The following UNC5A variants were observed in gnomAD, a reference collection of about 807,000 sequenced individuals.
UNC5A encodes the protein unc-5 netrin receptor A.
A neutral mutation model predicts 87.4 loss-of-function variants in UNC5A; 20 were observed. The observed-to-expected ratio is 0.23, with a 90% CI of 0.16 to 0.33. UNC5A has a LOEUF of 0.33. UNC5A is among the 10% of genes least tolerant of loss of function. The probability of loss-of-function intolerance (pLI) is 1.00; values close to 1 mark genes in which losing one functional copy is unlikely to be tolerated. For synonymous variants in UNC5A, 438 were observed against 482.3 expected, an observed-to-expected ratio of 0.91 and a Z score of 1.20; for missense variants, 844 against 1,133.4, an observed-to-expected ratio of 0.74 and a Z score of 3.67.
chr5:176,841,459 C>T lies in UNC5A; in HGVS notation c.71-21165C>T, dbSNP rs969977605. Among the ~76,000 whole-genome samples, 2 of 152,212 alleles carry T rather than the reference C, an allele frequency of 1.3e-5. No individual in the cohort carries two copies. The highest frequency in any genetic ancestry group is 2.9e-5 in the Non-Finnish European group (2 of 68,034). On this transcript the variant is annotated intron_variant, in intron 1 of 14. Coordinates refer to ENST00000329542, the MANE Select transcript of UNC5A (RefSeq NM_133369.3). This position sits in a 1 kb window ranked among gnomAD's most constrained non-coding sequence, Gnocchi z 4.1. The stretch of plus-strand genomic sequence containing the variant: ...GTGGAACCGGGCTGCCTGGCTGTCC[C>T]ATGTGCAGCAGTGTGGCTGTGGACA...
intron 1 of UNC5A, among the ~76,000 whole-genome samples, chr5:176,846,494 G>T (rs1757406035): frequency 6.6e-6 from 1 of 152,142 alleles, no homozygotes; most frequent in Non-Finnish European, 1.5e-5. Flanking sequence ...AGACCCCTGG[G>T]CTATTGAGGC....
At chr5:176,822,367 T>C (rs1756748799) in intron 1 of UNC5A, among the ~76,000 whole-genome samples, 1 of 152,114 alleles carries the variant, frequency 6.6e-6, no homozygotes, top group Non-Finnish European at 1.5e-5. Flanking sequence ...GCCTGGAATC[T>C]GAGCAGGATC....
intron 8 of UNC5A, among the ~76,000 whole-genome samples, chr5:176,876,328 C>G (rs1208754323): frequency 2.0e-5 from 3 of 152,214 alleles, no homozygotes; most frequent in African/African-American, 7.2e-5. Flanking sequence ...CAGCCCAGCC[C>G]TGCTCTGCGC....
intron 1 of UNC5A, among the ~76,000 whole-genome samples, chr5:176,853,277 A>G (rs1757588487): frequency 1.3e-5 from 2 of 152,342 alleles, no homozygotes; most frequent in African/African-American, 4.8e-5. Context: ...TGTCTGTACA[A>G]CCAGAGGCAG....
At position 176,875,538 on chromosome 5, in the gene UNC5A, C is replaced by T. The variant is rs1581279465; in HGVS notation, c.1378+972C>T. ...CTGCCACCTCCTGCTCTTGTCCTCC[C>T]TTGCTGCCTCTCCTGACACGGGCCA... On this transcript the variant is annotated intron_variant, in intron 8 of 14. Transcript: ENST00000329542. The surrounding 1 kb of genome is among the most constrained non-coding windows in gnomAD (Gnocchi z 5.2). 6.6e-6 allele frequency among the ~76,000 whole-genome samples: 1 copy of T among 152,152 alleles called. No homozygotes were observed. The highest frequency in any genetic ancestry group is 2.4e-5 in the African/African-American group (1 of 41,418).
chr5:176,863,371 G>T (rs937466118), intron 2 of UNC5A, among the ~76,000 whole-genome samples: 33 of 152,184 alleles, frequency 2.2e-4, no homozygotes, highest in African/African-American at 7.7e-4. Flanking sequence ...GTGTGCAGGG[G>T]ACCAAACTGA....
At chr5:176,843,707 C>G (rs1350186137) in intron 1 of UNC5A, among the ~76,000 whole-genome samples, 1 of 152,254 alleles carries the variant, frequency 6.6e-6, no homozygotes, top group East Asian at 1.9e-4. Context: ...GGACGGGTGG[C>G]TTGTTTGCAT....
rs768331167 is a variant in UNC5A at position 176,869,952 on chromosome 5, G to A, written c.722-418G>A. Reference sequence around the variant, plus strand: ...GGTGCGGTGTATGGTTGGAGTCAGGGCTCGATCTGTGTCCAATGTCAGGGC... The same window carrying A: ...GGTGCGGTGTATGGTTGGAGTCAGGACTCGATCTGTGTCCAATGTCAGGGC... On this transcript the variant is annotated intron_variant, in intron 5 of 14. Transcript: ENST00000329542. The surrounding 1 kb of genome is among the most constrained non-coding windows in gnomAD (Gnocchi z 9.1). Among the ~76,000 whole-genome samples the A allele has an allele frequency of 6.6e-6, 1 of 152,212 alleles. No individual in the cohort carries two copies. Among genetic ancestry groups the A allele is most frequent in the Non-Finnish European group, 1.5e-5 (1 of 68,022 alleles).
chr5:176,879,936 A>G lies in UNC5A; in HGVS notation c.*50A>G. The G allele has an allele frequency of 6.4e-7, 1 of 1,571,906 alleles. No homozygotes were observed. Among genetic ancestry groups the G allele is most frequent in the Non-Finnish European group, 8.6e-7 (1 of 1,159,802 alleles). On this transcript the variant is annotated 3_prime_UTR_variant, in exon 15 of 15. Transcript: ENST00000329542. ...CTCTCACCAGCTTTGGCACCCACCAAGGACAGGCAGAAGCCGGACAGGGGC... is the reference window on the plus strand; with the variant it reads ...CTCTCACCAGCTTTGGCACCCACCAGGGACAGGCAGAAGCCGGACAGGGGC...
intron 1 of UNC5A, among the ~76,000 whole-genome samples, chr5:176,812,521 T>C (rs1756484614): frequency 6.6e-6 from 1 of 152,182 alleles, no homozygotes; most frequent in Admixed American, 6.5e-5. Context: ...GTGTGACGGC[T>C]GTGTGCAGTT....
intron 1 of UNC5A, among the ~76,000 whole-genome samples, chr5:176,820,363 C>T (rs943012086): frequency 6.6e-6 from 1 of 151,804 alleles, no homozygotes; most frequent in Non-Finnish European, 1.5e-5. Flanking sequence ...CACCACTGTA[C>T]TCCAGCCTGG....
rs1561659003 is a variant in UNC5A, at chr5:176,858,769, AGG to A, written c.71-3854_71-3853del. 2.8e-4 allele frequency among the ~76,000 whole-genome samples: 38 copies of A among 136,556 alleles called. 1 individual carries two copies. Among genetic ancestry groups the A allele is most frequent in the East Asian group, 4.5e-4 (2 of 4,432 alleles). 89.6% of individuals were successfully genotyped at this position (136,556 alleles called of 152,430 possible). ...AAGGAAGGAAGGAAGGAAGGAAGGA[AGG>A]AAGGCAAGCAAGCAGGCAGGGAGGG... On this transcript the variant is annotated intron_variant, in intron 1 of 14. Coordinates refer to ENST00000329542, the MANE Select transcript of UNC5A (RefSeq NM_133369.3).
chr5:176,859,106 CTTG>C, intron 1 of UNC5A, among the ~76,000 whole-genome samples: 1 of 120,014 alleles, frequency 8.3e-6, no homozygotes, highest in Non-Finnish European at 1.8e-5. Context: ...CTAGAATGTC[CTTG>C]CTAGAGGGCA....
In UNC5A at chr5:176,865,556, G is replaced by A. The variant is rs574839572; in HGVS notation, c.293-2574G>A. The A allele has an allele frequency of 3.9e-5, 18 of 456,296 alleles. No homozygotes were observed. In the East Asian group the frequency reaches 7.7e-4, roughly 19 times the overall value. 28.3% of individuals were successfully genotyped at this position (456,296 alleles called of 1,614,324 possible). A position where few individuals can be genotyped will look rare whatever the true frequency, so the allele number is the denominator to read the frequency against. On this transcript the variant is annotated intron_variant, in intron 2 of 14. Coordinates refer to ENST00000329542, the MANE Select transcript of UNC5A (RefSeq NM_133369.3). The surrounding 1 kb of genome is among the most constrained non-coding windows in gnomAD (Gnocchi z 5.3). The stretch of plus-strand genomic sequence containing the variant: ...CATCCGACTCCAGCCTCCCATGGCC[G>A]GAACATCTGAACGTTCATTGATCTC...
At chr5:176,834,665 T>TCTC (rs1757105320) in intron 1 of UNC5A, among the ~76,000 whole-genome samples, 1 of 101,328 alleles carries the variant, frequency 9.9e-6, no homozygotes, top group Non-Finnish European at 2.0e-5. Flanking sequence ...ACGTCCCGTC[T>TCTC]TCTCTCTCTC....
intron 2 of UNC5A, 43 bp downstream of exon 2, chr5:176,862,888 C>T (rs763665254): frequency 1.6e-5 from 25 of 1,604,124 alleles, no homozygotes; most frequent in East Asian, 6.7e-5. Flanking sequence ...CCGGGGGAGG[C>T]GAGTTTCGGC....
In UNC5A at chr5:176,865,747, C is replaced by T. The variant is rs1258274782; in HGVS notation, c.293-2383C>T. ...GTATGGCAGGGCTCGGAGGCCCACC[C>T]AGCTCTGCAGCCCACTCATTCATGT... is the stretch of plus-strand genomic sequence containing the variant. On this transcript the variant is annotated intron_variant, in intron 2 of 14. Coordinates refer to ENST00000329542, the MANE Select transcript of UNC5A (RefSeq NM_133369.3). The surrounding 1 kb of genome is among the most constrained non-coding windows in gnomAD (Gnocchi z 5.3). 2.2e-6 allele frequency: 1 copy of T among 450,454 alleles called. No individual in the cohort carries two copies. Among genetic ancestry groups the T allele is most frequent in the South Asian group, 1.6e-5 (1 of 64,078 alleles). The allele number at this position is 450,454 out of a possible 1,614,324, so 27.9% of individuals were successfully genotyped here. A position where few individuals can be genotyped will look rare whatever the true frequency, so the allele number is the denominator to read the frequency against.
intron 1 of UNC5A, among the ~76,000 whole-genome samples, chr5:176,826,034 G>A (rs1350963169): frequency 6.6e-6 from 1 of 152,254 alleles, no homozygotes; most frequent in African/African-American, 2.4e-5. Context: ...TGCGGGTGCA[G>A]CAAAGGGCCT....
At chr5:176,854,109 C>T (rs1757609787) in intron 1 of UNC5A, among the ~76,000 whole-genome samples, 1 of 152,138 alleles carries the variant, frequency 6.6e-6, no homozygotes, top group African/African-American at 2.4e-5. Context: ...TTGCTGCTGG[C>T]TGCATGGCAC....
Sources: allele counts gnomAD v4.1 joint callset (sites outside exome capture counted in the v4.1 genomes callset), GRCh38; gene constraint gnomAD v4.1.1; non-coding constraint Gnocchi (gnomAD v3.1); transcripts MANE v1.5; gene names NCBI Gene and HGNC (gene_info 2026-07-23, HGNC 2026-07-21).